KIAA1958: variants seen among roughly 807,000 people sequenced by gnomAD.
KIAA1958 encodes uncharacterized protein KIAA1958.
KIAA1958 carries 14 observed loss-of-function variants against 47.2 expected under a neutral mutation model. That is an observed-to-expected ratio of 0.30 (90% CI 0.20 to 0.46). The LOEUF is 0.46. Ranked by LOEUF, KIAA1958 falls within the 20% of genes least tolerant of loss-of-function variation. KIAA1958 has a pLI of 1.00. For missense variants in KIAA1958, 803 were observed against 909.2 expected (o/e 0.88, Z 1.50); for synonymous variants, 354 against 353.3 (o/e 1.00, Z -0.02).
At chr9:112,653,150 A>C (rs559768189) in intron 3 of KIAA1958, among the ~76,000 whole-genome samples, 3 of 152,360 alleles carry the variant, frequency 2.0e-5, no homozygotes, top group African/African-American at 7.2e-5. Flanking sequence ...GTGACGTAGA[A>C]AGTAAAATTT....
intron 2 of KIAA1958, among the ~76,000 whole-genome samples, chr9:112,622,656 A>T (rs970482078): frequency 6.6e-6 from 1 of 152,162 alleles, no homozygotes; most frequent in Non-Finnish European, 1.5e-5. Context: ...AATTTTCCCT[A>T]TGTTAAATCA....
intron 1 of KIAA1958, among the ~76,000 whole-genome samples, chr9:112,535,173 A>G (rs1031855737): frequency 1.3e-5 from 2 of 152,220 alleles, no homozygotes; most frequent in African/African-American, 2.4e-5. Flanking sequence ...ATATTGTACA[A>G]TAAAGCTCTT....
Position 112,625,258 on chromosome 9 carries a change from C to A in KIAA1958, c.1172-20392C>A, listed in dbSNP as rs570247051. Among the ~76,000 whole-genome samples the A allele has an allele frequency of 3.3e-5, 5 of 152,280 alleles. No individual in the cohort carries two copies. The South Asian group carries it at 1.0e-3, about 32-fold the overall frequency. ...CCTTGAACTCCTGGGCTCAAGCAAT[C>A]CTCCCAACTCAACCTCCCAAGTAGC... On this transcript the variant is annotated intron_variant, in intron 2 of 3. Transcript: ENST00000337530.
At chr9:112,552,878 G>C (rs1729823110) in intron 1 of KIAA1958, among the ~76,000 whole-genome samples, 1 of 152,172 alleles carries the variant, frequency 6.6e-6, no homozygotes, top group South Asian at 2.1e-4. Context: ...TTGGCATGGA[G>C]CTGTATGCCA....
At chr9:112,525,993 C>CT (rs1834640933) in intron 1 of KIAA1958, among the ~76,000 whole-genome samples, 1 of 934 alleles carries the variant, frequency 1.1e-3, no homozygotes, top group African/African-American at 0.014. Flanking sequence ...TCTTCTTCTT[C>CT]TTCTTCTTTT....
At chr9:112,556,023 G>A (rs1325206498) in intron 1 of KIAA1958, among the ~76,000 whole-genome samples, 1 of 152,138 alleles carries the variant, frequency 6.6e-6, no homozygotes, top group Non-Finnish European at 1.5e-5. Flanking sequence ...ATTGCAGTGA[G>A]CCAAGATCGC....
chr9:112,570,491 T>G (rs1835513199), intron 1 of KIAA1958, among the ~76,000 whole-genome samples: 2 of 152,246 alleles, frequency 1.3e-5, no homozygotes, highest in African/African-American at 4.8e-5. Context: ...GTTGCTTGGC[T>G]GCTGCAGTTA....
chr9:112,493,989 T>C (rs1311115566), intron 1 of KIAA1958, among the ~76,000 whole-genome samples: 2 of 152,258 alleles, frequency 1.3e-5, no homozygotes, highest in African/African-American at 2.4e-5. Flanking sequence ...GTAAATGAAC[T>C]AGCCTGACTG....
intron 2 of KIAA1958, among the ~76,000 whole-genome samples, chr9:112,585,408 A>G (rs568794011): frequency 6.6e-6 from 1 of 152,244 alleles, no homozygotes; most frequent in Non-Finnish European, 1.5e-5. Context: ...TAGAGAAGCA[A>G]GGAGTTGACT....
At chr9:112,650,714 A>C (rs1412858156) in intron 3 of KIAA1958, among the ~76,000 whole-genome samples, 1 of 152,200 alleles carries the variant, frequency 6.6e-6, no homozygotes, top group Non-Finnish European at 1.5e-5. Flanking sequence ...TATCTTGATA[A>C]TTATATCTAC....
chr9:112,586,499 T>C (rs2046102720), intron 2 of KIAA1958, among the ~76,000 whole-genome samples: 1 of 152,226 alleles, frequency 6.6e-6, no homozygotes, highest in Non-Finnish European at 1.5e-5. Flanking sequence ...TTTCAATAGC[T>C]TTTTAAAATG....
intron 1 of KIAA1958, among the ~76,000 whole-genome samples, chr9:112,572,692 G>C (rs949922713): frequency 1.3e-5 from 2 of 152,222 alleles, no homozygotes; most frequent in Non-Finnish European, 2.9e-5. Flanking sequence ...TCAAGCCAAA[G>C]AATCAGATTC....
In KIAA1958 at chr9:112,659,886, C is replaced by T; in HGVS notation, c.1968C>T (p.Ala656=). 1 of 1,614,158 alleles carries T rather than the reference C, an allele frequency of 6.2e-7. No individual in the cohort carries two copies. The highest frequency in any genetic ancestry group is 8.5e-7 in the Non-Finnish European group (1 of 1,180,004). Residue 656 remains alanine, a synonymous_variant, in exon 4 of 4, where the codon GCC becomes GCT. Transcript: ENST00000337530. ...MEAKSPFYLT[A]RKEATDMGSV... ...CCAAGTCCCCCTTCTACCTGACTGC[C>T]AGGAAGGAGGCCACAGACATGGGCA...
intron 1 of KIAA1958, among the ~76,000 whole-genome samples, chr9:112,557,703 C>A (rs866277721): frequency 4.6e-5 from 7 of 152,180 alleles, no homozygotes; most frequent in Non-Finnish European, 8.8e-5. Flanking sequence ...TGAGAAGTAG[C>A]TGTAGGAATC....
intron 3 of KIAA1958, among the ~76,000 whole-genome samples, chr9:112,658,399 A>G (rs1467907988): frequency 6.6e-6 from 1 of 152,228 alleles, no homozygotes; most frequent in African/African-American, 2.4e-5. Context: ...GGAATTTTTC[A>G]GAGAGTTTGG....
intron 2 of KIAA1958, among the ~76,000 whole-genome samples, chr9:112,630,821 C>T (rs1262043999): frequency 1.3e-5 from 2 of 152,202 alleles, no homozygotes; most frequent in Non-Finnish European, 2.9e-5. Flanking sequence ...AGTCTTTACT[C>T]ACAGTTGAAT....
chr9:112,506,348 C>T (rs1834234732), intron 1 of KIAA1958, among the ~76,000 whole-genome samples: 1 of 152,040 alleles, frequency 6.6e-6, no homozygotes, highest in South Asian at 2.1e-4. Context: ...CCCAGCTTCT[C>T]GGGAGGCTGA....
At chr9:112,509,251 G>A (rs1215641140) in intron 1 of KIAA1958, among the ~76,000 whole-genome samples, 1 of 139,202 alleles carries the variant, frequency 7.2e-6, no homozygotes, top group Non-Finnish European at 1.5e-5. Flanking sequence ...CGCCTAGGCT[G>A]TAGTGTGCAA....
intron 1 of KIAA1958, among the ~76,000 whole-genome samples, chr9:112,500,023 C>T (rs1313729183): frequency 6.6e-6 from 1 of 152,036 alleles, no homozygotes; most frequent in Non-Finnish European, 1.5e-5. Flanking sequence ...TGTTTATATA[C>T]TGGGTTAAGG....
Sources: gnomAD v4.1 joint callset for allele counts (sites outside exome capture counted in the v4.1 genomes callset) on GRCh38, gnomAD v4.1.1 for gene constraint, MANE v1.5 for transcripts, NCBI Gene and HGNC (gene_info 2026-07-23, HGNC 2026-07-21) for gene names.